The following CNOT4 variants were observed in gnomAD, a reference collection of about 807,000 sequenced individuals.
The protein encoded by CNOT4 is CCR4-associated factor 4.
A neutral mutation model predicts 73.8 loss-of-function variants in CNOT4; 8 were observed. That is an observed-to-expected ratio of 0.11 (90% CI 0.06 to 0.20). The LOEUF (loss-of-function observed/expected upper bound fraction) is 0.20, where lower values mean the gene tolerates loss of function less well. Ranked by LOEUF, CNOT4 falls within the 10% of genes least tolerant of loss-of-function variation. The pLI is 1.00. For synonymous variants in CNOT4, 293 were observed against 321.1 expected (o/e 0.91, Z 0.94); for missense variants, 564 against 883.4 (o/e 0.64, Z 4.58).
chr7:135,422,374 T>C (rs1294801676), intron 2 of CNOT4, 21 bp from the exon 3 acceptor site: 10 of 1,121,300 alleles, frequency 8.9e-6, no homozygotes, highest in Admixed American at 3.5e-5. Context: ...GAAACAAACA[T>C]AGACGTTAGC....
At chr7:135,453,826 T>TTA (rs55732572) in intron 1 of CNOT4, among the ~76,000 whole-genome samples, 6,123 of 89,832 alleles carry the variant, frequency 0.068, 201 homozygotes, top group African/African-American at 0.11. Context: ...TATATATATT[T>TTA]TATATATATA....
Position 135,398,182 on chromosome 7 carries a change from T to C in CNOT4, c.866A>G (p.Asp289Gly), listed in dbSNP as rs200797407. ...PSDSLSIGNG[D>G]NSQQISNSDT... Reference sequence around the variant, plus strand: ...TTCAAATCTTACCTGCTGGGAATTATCACCGTTCCCTATACTGAGAGAATC... The same window carrying C: ...TTCAAATCTTACCTGCTGGGAATTACCACCGTTCCCTATACTGAGAGAATC... Residue 289 changes from aspartate (D) to glycine (G), a missense_variant, in exon 8 of 12, where the codon GAT becomes GGT. Asp to Gly is a moderately conservative substitution (Grantham distance 94, BLOSUM62 -1). This residue lies in a region of CNOT4 where 135 missense variants were observed against 154.0 expected (regional missense o/e 0.88). Coordinates refer to ENST00000541284, the MANE Select transcript of CNOT4 (RefSeq NM_001190850.2). 59 of 1,545,978 alleles carry C rather than the reference T, an allele frequency of 3.8e-5. No homozygotes were observed. The highest frequency in any genetic ancestry group is 9.8e-6 in the Non-Finnish European group (11 of 1,119,134).
intron 1 of CNOT4, among the ~76,000 whole-genome samples, chr7:135,467,929 A>G (rs1261847808): frequency 6.6e-6 from 1 of 151,980 alleles, no homozygotes; most frequent in Admixed American, 6.6e-5. Flanking sequence ...ACATCATTAC[A>G]GATCGGCCAG....
chr7:135,375,312 C>T (rs1795457743), intron 10 of CNOT4, among the ~76,000 whole-genome samples: 1 of 152,104 alleles, frequency 6.6e-6, no homozygotes, highest in Non-Finnish European at 1.5e-5. Context: ...TGATCTACAT[C>T]CAGAAGTTAA....
intron 3 of CNOT4, among the ~76,000 whole-genome samples, chr7:135,416,512 G>A (rs992960307): frequency 2.6e-5 from 4 of 152,150 alleles, no homozygotes; most frequent in African/African-American, 9.6e-5. Flanking sequence ...CTAACACAAT[G>A]ACCCTTAAGT....
At chr7:135,495,816 C>A (rs1476603638) in intron 1 of CNOT4, among the ~76,000 whole-genome samples, 1 of 150,708 alleles carries the variant, frequency 6.6e-6, no homozygotes, top group Non-Finnish European at 1.5e-5. Flanking sequence ...TCTGTAAATC[C>A]CAGTGCTTTT....
intron 1 of CNOT4, among the ~76,000 whole-genome samples, chr7:135,470,191 G>A (rs1396141103): frequency 6.6e-6 from 1 of 151,762 alleles, no homozygotes; most frequent in Non-Finnish European, 1.5e-5. Context: ...CTGCAGTGGT[G>A]CAATTATGGC....
chr7:135,380,481 A>G (rs761411128), intron 10 of CNOT4, among the ~76,000 whole-genome samples: 12 of 152,234 alleles, frequency 7.9e-5, no homozygotes, highest in Non-Finnish European at 1.6e-4. Context: ...AGTTACTCCA[A>G]GATCACTGGG....
chr7:135,378,147 C>T (rs999070724), intron 10 of CNOT4, among the ~76,000 whole-genome samples: 5 of 152,304 alleles, frequency 3.3e-5, no homozygotes, highest in African/African-American at 1.2e-4. Context: ...GTGCATTAGT[C>T]GTTCCCCAAT....
intron 1 of CNOT4, among the ~76,000 whole-genome samples, chr7:135,442,548 G>A (rs1363728816): frequency 6.6e-6 from 1 of 152,152 alleles, no homozygotes; most frequent in African/African-American, 2.4e-5. Flanking sequence ...GCAGTGAGCC[G>A]AGATTGTGCC....
intron 1 of CNOT4, among the ~76,000 whole-genome samples, chr7:135,464,023 T>TAAAAAAAAAAA (rs1801058542): frequency 4.5e-5 from 1 of 22,302 alleles, no homozygotes; most frequent in African/African-American, 2.1e-4. Flanking sequence ...TATTAAAAAG[T>TAAAAAAAAAAA]CAAAAAAAAA....
At chr7:135,457,945 C>T (rs1008940188) in intron 1 of CNOT4, among the ~76,000 whole-genome samples, 8 of 152,030 alleles carry the variant, frequency 5.3e-5, no homozygotes, top group Non-Finnish European at 1.0e-4. Flanking sequence ...TCATAGGTTA[C>T]GACTCTCAAT....
intron 3 of CNOT4, among the ~76,000 whole-genome samples, chr7:135,420,894 T>C (rs1798153091): frequency 6.6e-6 from 1 of 152,074 alleles, no homozygotes; most frequent in African/African-American, 2.4e-5. Flanking sequence ...AATGAGCTCT[T>C]TGCTGAACAT....
intron 1 of CNOT4, among the ~76,000 whole-genome samples, chr7:135,478,436 C>G (rs182842463): frequency 2.2e-3 from 336 of 152,222 alleles, no homozygotes; most frequent in Non-Finnish European, 4.0e-3. Context: ...TTGAACAGTC[C>G]TTTAAATGAT....
intron 7 of CNOT4, among the ~76,000 whole-genome samples, chr7:135,407,597 T>C (rs1332749212): frequency 6.6e-6 from 1 of 152,194 alleles, no homozygotes; most frequent in African/African-American, 2.4e-5. Context: ...AAAGAGGTGG[T>C]AGGAGATCCA....
intron 1 of CNOT4, among the ~76,000 whole-genome samples, chr7:135,451,999 G>C (rs938897783): frequency 2.0e-5 from 3 of 152,128 alleles, no homozygotes; most frequent in East Asian, 3.9e-4. Context: ...TGTAATCCCA[G>C]CACTTTGTGA....
chr7:135,382,536 C>G (rs1159441220), intron 10 of CNOT4, among the ~76,000 whole-genome samples: 1 of 150,432 alleles, frequency 6.6e-6, no homozygotes, highest in African/African-American at 2.4e-5. Flanking sequence ...TATTAGAAAA[C>G]TAAGGTTGCT....
intron 3 of CNOT4, among the ~76,000 whole-genome samples, chr7:135,415,782 C>T (rs1459525220): frequency 6.6e-6 from 1 of 152,134 alleles, no homozygotes; most frequent in Non-Finnish European, 1.5e-5. Context: ...CCACTCAACC[C>T]TCTATGCTTT....
At chr7:135,461,594 G>A (rs1338329941) in intron 1 of CNOT4, among the ~76,000 whole-genome samples, 1 of 152,124 alleles carries the variant, frequency 6.6e-6, no homozygotes, top group Non-Finnish European at 1.5e-5. Context: ...CACTTTGGGA[G>A]GCCGAGGCAG....
Sources: gnomAD v4.1 joint callset for allele counts (sites outside exome capture counted in the v4.1 genomes callset) on GRCh38, gnomAD v4.1.1 for gene constraint, gnomAD v4.1.1 regional missense constraint, MANE v1.5 for transcripts, NCBI Gene and HGNC (gene_info 2026-07-23, HGNC 2026-07-21) for gene names.